The following CENPK variants were observed in gnomAD, a reference collection of about 807,000 sequenced individuals.
CENPK encodes the protein centromere protein K.
CENPK carries 46 observed loss-of-function variants against 40.9 expected under a neutral mutation model. That is an observed-to-expected ratio of 1.13 (90% CI 0.89 to 1.44). CENPK has a LOEUF of 1.44. Ranked by LOEUF, CENPK falls within the 40% of genes most tolerant of loss-of-function variation. The probability of loss-of-function intolerance (pLI) is 0.00; values close to 1 mark genes in which losing one functional copy is unlikely to be tolerated. For synonymous variants in CENPK, 107 were observed against 104.4 expected (o/e 1.02, Z -0.15); for missense variants, 288 against 303.5 (o/e 0.95, Z 0.38).
At chr5:65,557,510 G>A (rs984562552) in intron 2 of CENPK, among the ~76,000 whole-genome samples, 2 of 152,162 alleles carry the variant, frequency 1.3e-5, no homozygotes, top group Non-Finnish European at 2.9e-5. Context: ...CATGTTATGC[G>A]AAAGCCCAAA....
chr5:65,521,803 G>C (rs569749252), intron 9 of CENPK, among the ~76,000 whole-genome samples: 1 of 152,288 alleles, frequency 6.6e-6, no homozygotes, highest in Non-Finnish European at 1.5e-5. Context: ...GTTTCACCCT[G>C]TTGGCCAGGC....
chr5:65,527,347 G>A (rs533645068), intron 9 of CENPK, among the ~76,000 whole-genome samples: 8 of 151,538 alleles, frequency 5.3e-5, no homozygotes, highest in African/African-American at 1.9e-4. Flanking sequence ...AGGCTGAAGA[G>A]ATAGAAGTCC....
chr5:65,556,309 TA>T (rs1214895057), intron 2 of CENPK, among the ~76,000 whole-genome samples: 1 of 151,910 alleles, frequency 6.6e-6, no homozygotes, highest in Admixed American at 6.6e-5. Context: ...CCTATCTCTA[TA>T]AAAAAATTTT....
chr5:65,514,648 A>G (rs1269989699), downstream of CENPK, among the ~76,000 whole-genome samples: 1 of 152,216 alleles, frequency 6.6e-6, no homozygotes, highest in African/African-American at 2.4e-5. Flanking sequence ...CAAAATTGGC[A>G]TCACTTTCTC....
chr5:65,531,243 TGG>T (rs1745754106), intron 6 of CENPK, among the ~76,000 whole-genome samples: 1 of 148,706 alleles, frequency 6.7e-6, no homozygotes, highest in Non-Finnish European at 1.5e-5. Flanking sequence ...GGTCTAACAA[TGG>T]CATTAAATTG....
chr5:65,502,379 G>A, the CENPK span, among the ~76,000 whole-genome samples: 19 of 152,190 alleles, frequency 1.2e-4, no homozygotes, highest in African/African-American at 4.1e-4. Context: ...TGCTGCCTTC[G>A]CTCCACTTTT....
intron 5 of CENPK, among the ~76,000 whole-genome samples, chr5:65,547,314 A>T (rs567662210): frequency 3.3e-5 from 5 of 150,724 alleles, no homozygotes; most frequent in African/African-American, 1.2e-4. Context: ...AACTGCTTGA[A>T]CCTGGAAGAC....
At chr5:65,541,537 G>T (rs1456853514) in intron 6 of CENPK, 2 of 436,952 alleles carry the variant, frequency 4.6e-6, no homozygotes, top group Non-Finnish European at 9.3e-6. Flanking sequence ...AAAACACTTT[G>T]TTTTTTTCCT....
chr5:65,530,879 C>T (rs1317489834), intron 6 of CENPK, among the ~76,000 whole-genome samples: 1 of 152,014 alleles, frequency 6.6e-6, no homozygotes, highest in Non-Finnish European at 1.5e-5. Context: ...CACTGCATGC[C>T]AGCCTGGGTA....
At position 65,518,363 on chromosome 5, in the gene CENPK, G is replaced by C. The variant is rs993073629; in HGVS notation, c.*112C>G. ...ACATGCCATTTTGCAATAAAAGTAA[G>C]ATGGCCTATGCGCATTAATTTGCAA... On this transcript the variant is annotated 3_prime_UTR_variant, in exon 11 of 11. Transcript: ENST00000396679. 7 of 580,698 alleles carry C rather than the reference G, an allele frequency of 1.2e-5. No homozygotes were observed. Among genetic ancestry groups the C allele is most frequent in the African/African-American group, 9.6e-5 (5 of 52,100 alleles). The allele number at this position is 580,698 out of a possible 1,614,324, so 36.0% of individuals were successfully genotyped here. A position where few individuals can be genotyped will look rare whatever the true frequency, so the allele number is the denominator to read the frequency against.
the CENPK span, among the ~76,000 whole-genome samples, chr5:65,506,105 C>CG: frequency 6.6e-6 from 1 of 151,924 alleles, no homozygotes; most frequent in Non-Finnish European, 1.5e-5. Flanking sequence ...TCTTTTTAAC[C>CG]AGGCATGGTG....
At chr5:65,515,899 CA>C (rs1456785884), downstream of CENPK, among the ~76,000 whole-genome samples, 1 of 152,158 alleles carries the variant, frequency 6.6e-6, no homozygotes, top group African/African-American at 2.4e-5. Flanking sequence ...TTCATTTTCT[CA>C]AATTTCTGAA....
chr5:65,509,736 A>G, the CENPK span, among the ~76,000 whole-genome samples: 1 of 152,196 alleles, frequency 6.6e-6, no homozygotes, highest in Non-Finnish European at 1.5e-5. Flanking sequence ...TGTTGTACAA[A>G]TGGAAGGTTT....
chr5:65,557,356 CT>C (rs1751154399), intron 2 of CENPK, among the ~76,000 whole-genome samples: 1 of 151,344 alleles, frequency 6.6e-6, no homozygotes, highest in Non-Finnish European at 1.5e-5. Context: ...CCCCCTGAAA[CT>C]GAGTGTGACT....
chr5:65,541,328 C>G, intron 6 of CENPK: 1 of 453,722 alleles, frequency 2.2e-6, no homozygotes, highest in Non-Finnish European at 4.4e-6. Flanking sequence ...TGGGACTGAG[C>G]GCTCAACCTG....
intron 9 of CENPK, among the ~76,000 whole-genome samples, chr5:65,521,854 G>A (rs565372183): frequency 1.4e-4 from 22 of 152,200 alleles, no homozygotes; most frequent in African/African-American, 4.6e-4. Flanking sequence ...TGCCCACATC[G>A]GCCTCCCAAA....
At chr5:65,553,234 TTACTGGGAAGAATAGGATGCTA>T (rs776336797) in intron 3 of CENPK, among the ~76,000 whole-genome samples, 10 of 152,112 alleles carry the variant, frequency 6.6e-5, no homozygotes, top group Non-Finnish European at 1.3e-4. Context: ...TTCTGAAACT[TTACTGGGAAGAATAGGATGCTA>T]AAAATATCTG....
chr5:65,500,581 T>C, the CENPK span, among the ~76,000 whole-genome samples: 1 of 152,222 alleles, frequency 6.6e-6, no homozygotes, highest in Non-Finnish European at 1.5e-5. Context: ...TCACAGGTCT[T>C]TGAGGCTCTG....
chr5:65,506,203 G>T, the CENPK span, among the ~76,000 whole-genome samples: 2 of 146,622 alleles, frequency 1.4e-5, no homozygotes, highest in African/African-American at 5.0e-5. Context: ...GGGCAACATA[G>T]CAAGATCCCA....
Sources: gnomAD v4.1 joint callset for allele counts (sites outside exome capture counted in the v4.1 genomes callset) on GRCh38, gnomAD v4.1.1 for gene constraint, MANE v1.5 for transcripts, NCBI Gene and HGNC (gene_info 2026-07-23, HGNC 2026-07-21) for gene names.